RNF144B: variants seen among roughly 807,000 people sequenced by gnomAD.
RNF144B encodes E3 ubiquitin-protein ligase RNF144B.
In RNF144B, 25 loss-of-function variants were observed where a neutral mutation model predicts 40.2. The ratio of observed to expected loss-of-function variants is 0.62; its 90% confidence interval spans 0.45 to 0.87. RNF144B has a LOEUF of 0.87. Among genes scored for constraint, RNF144B ranks in the 40% least tolerant of loss-of-function variants. The pLI, the probability that RNF144B is intolerant of heterozygous loss-of-function variation, is 0.00. For missense variants in RNF144B, 365 were observed against 373.7 expected, an observed-to-expected ratio of 0.98 and a Z score of 0.19; for synonymous variants, 145 against 136.3, an observed-to-expected ratio of 1.06 and a Z score of -0.44.
At chr6:18,396,031 T>C (rs182104691) in intron 1 of RNF144B, among the ~76,000 whole-genome samples, 188 of 152,352 alleles carry the variant, frequency 1.2e-3, no homozygotes, top group Non-Finnish European at 2.4e-3. Flanking sequence ...CTTGGAATTT[T>C]TTAAAAAACA....
rs1795076917 is a variant in RNF144B at position 18,412,923 on chromosome 6, A to AT, written c.165+13230dup. 6.6e-6 allele frequency among the ~76,000 whole-genome samples: 1 copy of AT among 152,146 alleles called. No homozygotes were observed. The highest frequency in any genetic ancestry group is 6.6e-5 in the Admixed American group (1 of 15,264). ...GGTATTTACTACATGAATGTAGGGT[A>AT]TTTTTTCAATCTGCTTAAACCTCAT... On this transcript the variant is annotated intron_variant, in intron 2 of 7. Coordinates refer to ENST00000259939, the MANE Select transcript of RNF144B (RefSeq NM_182757.4). The surrounding 1 kb of genome is among the most constrained non-coding windows in gnomAD (Gnocchi z 4.2).
At position 18,412,030 on chromosome 6, in the gene RNF144B, A is replaced by G. The variant is rs1192234597; in HGVS notation, c.165+12331A>G. Among the ~76,000 whole-genome samples, 1 of 152,212 alleles carries G rather than the reference A, an allele frequency of 6.6e-6. No homozygotes were observed. Among genetic ancestry groups the G allele is most frequent in the Non-Finnish European group, 1.5e-5 (1 of 68,032 alleles). Reference sequence around the variant, plus strand: ...GGGCCCCTCCTAAATAATGGATTTTAAGGTTGTTTCTAGTTTTTGCTATTA... The same window carrying G: ...GGGCCCCTCCTAAATAATGGATTTTGAGGTTGTTTCTAGTTTTTGCTATTA... On this transcript the variant is annotated intron_variant, in intron 2 of 7. Transcript: ENST00000259939. The surrounding 1 kb of genome is among the most constrained non-coding windows in gnomAD (Gnocchi z 4.2).
At chr6:18,409,198 T>A (rs926598608) in intron 2 of RNF144B, among the ~76,000 whole-genome samples, 5 of 151,722 alleles carry the variant, frequency 3.3e-5, no homozygotes, top group Non-Finnish European at 5.9e-5. Context: ...GCCACCATGG[T>A]GAGACCCTGT....
chr6:18,425,844 T>G lies in RNF144B; in HGVS notation c.166-1737T>G, dbSNP rs1758535963. 6.6e-6 allele frequency among the ~76,000 whole-genome samples: 1 copy of G among 152,194 alleles called. No homozygotes were observed. The highest frequency in any genetic ancestry group is 1.5e-5 in the Non-Finnish European group (1 of 68,032). On this transcript the variant is annotated intron_variant, in intron 2 of 7. Transcript: ENST00000259939. This position sits in a 1 kb window ranked among gnomAD's most constrained non-coding sequence, Gnocchi z 4.2. ...TATTTCAGTGTTCTATTTTGGGTAT[T>G]TAGGTTATTTTCTAGTTTTTGCTGT...
intron 3 of RNF144B, among the ~76,000 whole-genome samples, chr6:18,438,076 C>G (rs935944443): frequency 6.6e-6 from 1 of 152,152 alleles, no homozygotes; most frequent in African/African-American, 2.4e-5. Context: ...GTATCACCCC[C>G]CAAGTCATGT....
rs1662125480 is a variant in RNF144B at position 18,468,631 on chromosome 6, A to G, written c.*3564A>G. 6.6e-6 allele frequency: 1 copy of G among 152,230 alleles called. No individual in the cohort carries two copies. Among genetic ancestry groups the G allele is most frequent in the Admixed American group, 6.5e-5 (1 of 15,282 alleles). 9.4% of individuals were successfully genotyped at this position (152,230 alleles called of 1,614,324 possible). A position where few individuals can be genotyped will look rare whatever the true frequency, so the allele number is the denominator to read the frequency against. ...TTTCTGTTCATGAATGGATGCCTTT[A>G]TGTGATATAGAGTCATGTGTGTATG... On this transcript the variant is annotated 3_prime_UTR_variant, in exon 8 of 8. Transcript: ENST00000259939.
chr6:18,387,766 C>T (rs978557073), intron 1 of RNF144B, 136 bp downstream of exon 1: 1 of 569,782 alleles, frequency 1.8e-6, no homozygotes, highest in Non-Finnish European at 2.7e-6. Context: ...TCAAACCATA[C>T]AGAACTGAAT....
chr6:18,436,773 T>C (rs1758832338), intron 3 of RNF144B, among the ~76,000 whole-genome samples: 1 of 151,904 alleles, frequency 6.6e-6, no homozygotes. Flanking sequence ...TTTAGTCTTC[T>C]AATAATCATC....
chr6:18,424,470 CT>C (rs1221160298), intron 2 of RNF144B, among the ~76,000 whole-genome samples: 1 of 152,170 alleles, frequency 6.6e-6, no homozygotes, highest in African/African-American at 2.4e-5. Context: ...GGTATGTGTA[CT>C]TAAACCCTGG....
intron 1 of RNF144B, among the ~76,000 whole-genome samples, chr6:18,392,120 A>G (rs1003814965): frequency 6.6e-6 from 1 of 151,090 alleles, no homozygotes; most frequent in Non-Finnish European, 1.5e-5. Context: ...AGGCAGGAGA[A>G]TGGCGTGAAC....
chr6:18,465,130 C>T lies in RNF144B; in HGVS notation c.*63C>T, dbSNP rs899827742. Reference sequence around the variant, plus strand: ...CATGAGATGGCACAGTGATAAAGCCCCATTTAGTGACCTTGCCTCCTTCTC... The same window carrying T: ...CATGAGATGGCACAGTGATAAAGCCTCATTTAGTGACCTTGCCTCCTTCTC... On this transcript the variant is annotated 3_prime_UTR_variant, in exon 8 of 8. Transcript: ENST00000259939. The T allele has an allele frequency of 3.9e-6, 6 of 1,553,814 alleles. No homozygotes were observed. The African/African-American group carries it at 6.8e-5, about 18-fold the overall frequency.
chr6:18,466,278 A>G lies in RNF144B; in HGVS notation c.*1211A>G, dbSNP rs1759569200. On this transcript the variant is annotated 3_prime_UTR_variant, in exon 8 of 8. Coordinates refer to ENST00000259939, the MANE Select transcript of RNF144B (RefSeq NM_182757.4). ...TCCTGCCATCTCTGTAAAAACGCTA[A>G]TTGATAACCGAGTCATTTACATGTT... is the stretch of plus-strand genomic sequence containing the variant. 6.6e-6 allele frequency: 1 copy of G among 151,912 alleles called. No individual in the cohort carries two copies. The highest frequency in any genetic ancestry group is 1.5e-5 in the Non-Finnish European group (1 of 68,042). 9.4% of individuals were successfully genotyped at this position (151,912 alleles called of 1,614,324 possible).
rs1759015681 is a variant in RNF144B, at chr6:18,443,656, A to AAGATTCAAATAAC, written c.331+3913_331+3914insGATTCAAATAACA. 6.6e-6 allele frequency among the ~76,000 whole-genome samples: 1 copy of AAGATTCAAATAAC among 152,086 alleles called. No homozygotes were observed. Among genetic ancestry groups the AAGATTCAAATAAC allele is most frequent in the African/African-American group, 2.4e-5 (1 of 41,400 alleles). On this transcript the variant is annotated intron_variant, in intron 4 of 7. Transcript: ENST00000259939. The surrounding 1 kb of genome is among the most constrained non-coding windows in gnomAD (Gnocchi z 4.7). ...GAAAATGGACATTTCAAATAAGAGT[A>AAGATTCAAATAAC]AATTTAAGTTAATGAAGTGCTACAT...
At chr6:18,387,852 A>G (rs543574427) in intron 1 of RNF144B, among the ~76,000 whole-genome samples, 1 of 152,336 alleles carries the variant, frequency 6.6e-6, no homozygotes, top group African/African-American at 2.4e-5. Context: ...TTCATTTCTA[A>G]TAAAACAGTT....
intron 2 of RNF144B, among the ~76,000 whole-genome samples, chr6:18,415,028 A>G (rs557500073): frequency 6.6e-6 from 1 of 152,298 alleles, no homozygotes; most frequent in African/African-American, 2.4e-5. Flanking sequence ...CATGTAACCT[A>G]TGTACATCCT....
chr6:18,396,964 G>T (rs144560329), intron 1 of RNF144B: 4 of 266,884 alleles, frequency 1.5e-5, no homozygotes, highest in Non-Finnish European at 2.3e-5. Context: ...ATGGAATAAC[G>T]CTGTGTCTTG....
At position 18,400,416 on chromosome 6, in the gene RNF144B, TG is replaced by T. The variant is rs1794782842; in HGVS notation, c.165+718del. Among the ~76,000 whole-genome samples the T allele has an allele frequency of 6.6e-6, 1 of 152,240 alleles. No individual in the cohort carries two copies. Among genetic ancestry groups the T allele is most frequent in the Non-Finnish European group, 1.5e-5 (1 of 68,040 alleles). ...TCATATACTTGTTCATCTTCTACAA[TG>T]TACATGATATAAATTGTACTTTGTC... On this transcript the variant is annotated intron_variant, in intron 2 of 7. Coordinates refer to ENST00000259939, the MANE Select transcript of RNF144B (RefSeq NM_182757.4). This position sits in a 1 kb window ranked among gnomAD's most constrained non-coding sequence, Gnocchi z 5.6.
rs947412836 is a variant in RNF144B, at chr6:18,466,551, A to G, written c.*1484A>G. 2.6e-5 allele frequency: 4 copies of G among 152,674 alleles called. No individual in the cohort carries two copies. The highest frequency in any genetic ancestry group is 5.9e-5 in the Non-Finnish European group (4 of 68,044). 9.5% of individuals were successfully genotyped at this position (152,674 alleles called of 1,614,324 possible). On this transcript the variant is annotated 3_prime_UTR_variant, in exon 8 of 8. Coordinates refer to ENST00000259939, the MANE Select transcript of RNF144B (RefSeq NM_182757.4). Reference sequence around the variant, plus strand: ...TTGAAAGGATAAAACCTTTTCTCCAATGACAGGATTATATAATTGCTATTG... The same window carrying G: ...TTGAAAGGATAAAACCTTTTCTCCAGTGACAGGATTATATAATTGCTATTG...
intron 7 of RNF144B, among the ~76,000 whole-genome samples, chr6:18,463,695 A>G (rs1364974478): frequency 1.3e-5 from 2 of 152,224 alleles, no homozygotes; most frequent in African/African-American, 4.8e-5. Context: ...AAAGCCCTTT[A>G]AGGCATATTA....
Sources: gnomAD v4.1 joint callset for allele counts (sites outside exome capture counted in the v4.1 genomes callset) on GRCh38, gnomAD v4.1.1 for gene constraint, Gnocchi (gnomAD v3.1) non-coding constraint, MANE v1.5 for transcripts, NCBI Gene and HGNC (gene_info 2026-07-23, HGNC 2026-07-21) for gene names.